NSUN7: variants seen among roughly 807,000 people sequenced by gnomAD.
NSUN7 encodes the protein NOP2/Sun RNA methyltransferase family member 7.
Under a neutral mutation model 58.5 loss-of-function variants are expected in NSUN7, and 39 were observed. The observed-to-expected ratio is 0.67, with a 90% confidence interval of 0.52 to 0.87. The LOEUF (loss-of-function observed/expected upper bound fraction) is 0.87, where lower values mean the gene tolerates loss of function less well. Ranked by LOEUF, NSUN7 falls within the 40% of genes least tolerant of loss-of-function variation. The pLI, the probability that NSUN7 is intolerant of heterozygous loss-of-function variation, is 0.00. For missense variants in NSUN7, 765 were observed against 844.1 expected, an observed-to-expected ratio of 0.91 and a Z score of 1.16; for synonymous variants, 278 against 303.7, an observed-to-expected ratio of 0.92 and a Z score of 0.88.
chr4:40,784,214 C>T (rs1742706565), intron 7 of NSUN7, among the ~76,000 whole-genome samples: 1 of 152,204 alleles, frequency 6.6e-6, no homozygotes, highest in Non-Finnish European at 1.5e-5. Context: ...AACAGTTTGG[C>T]AGTTTCCCAA....
chr4:40,805,883 C>T (rs543948613), intron 10 of NSUN7, among the ~76,000 whole-genome samples: 32 of 152,068 alleles, frequency 2.1e-4, no homozygotes, highest in Non-Finnish European at 3.8e-4. Flanking sequence ...GCTCTGTCAC[C>T]CAGGATGGAG....
intron 4 of NSUN7, 61 bp downstream of exon 4, chr4:40,761,362 A>G: frequency 1.5e-6 from 2 of 1,317,956 alleles, no homozygotes; most frequent in Non-Finnish European, 2.1e-6. Flanking sequence ...GTTATTGGTA[A>G]AATTACATAC....
intron 10 of NSUN7, among the ~76,000 whole-genome samples, 175 bp downstream of exon 10, chr4:40,799,079 T>TTTTTG (rs1560563842): frequency 4.4e-4 from 8 of 18,320 alleles, no homozygotes; most frequent in African/African-American, 2.6e-3. Context: ...TTTTCTTTTT[T>TTTTTG]TTTTTTTTTT....
intron 4 of NSUN7, among the ~76,000 whole-genome samples, chr4:40,771,885 T>C (rs1411041659): frequency 6.6e-6 from 1 of 151,754 alleles, no homozygotes; most frequent in African/African-American, 2.4e-5. Flanking sequence ...GGATCAAGAA[T>C]ATTGGGAAAG....
chr4:40,776,853 T>C (rs934113606), intron 7 of NSUN7, among the ~76,000 whole-genome samples: 4 of 152,224 alleles, frequency 2.6e-5, no homozygotes, highest in Non-Finnish European at 5.9e-5. Flanking sequence ...TGGGCTCAAG[T>C]GATCCACCTG....
intron 8 of NSUN7, among the ~76,000 whole-genome samples, chr4:40,793,077 C>T (rs939935951): frequency 1.3e-5 from 2 of 152,020 alleles, no homozygotes; most frequent in Admixed American, 6.6e-5. Flanking sequence ...ATAGATAATA[C>T]GACTTTGGAG....
chr4:40,808,325 G>A lies in NSUN7; in HGVS notation c.1543G>A (p.Val515Met). The change falls in exon 12 of 12, where the codon GTG becomes ATG. Residue 515 changes from valine (V) to methionine (M), a missense_variant. Physicochemically the swap from Val to Met is conservative, Grantham distance 21. Coordinates refer to ENST00000381782, the MANE Select transcript of NSUN7 (RefSeq NM_024677.6). ...LTRERDPSET[V>M]SVNDVLARAA... is the part of the protein sequence containing the mutation. ...ATTGCAGCGGGACCCTTCTGAGACA[G>A]TGTCTGTGAATGATGTTTTGGCCCG... 6.2e-7 allele frequency: 1 copy of A among 1,613,050 alleles called. No individual in the cohort carries two copies. The highest frequency in any genetic ancestry group is 8.5e-7 in the Non-Finnish European group (1 of 1,179,292).
At chr4:40,769,210 A>G (rs1741882754) in intron 4 of NSUN7, among the ~76,000 whole-genome samples, 1 of 152,156 alleles carries the variant, frequency 6.6e-6, no homozygotes, top group African/African-American at 2.4e-5. Context: ...GCTTCCTTAG[A>G]TACATTTCCC....
rs1364643778 is a variant in NSUN7, at chr4:40,810,216, A to C, written c.*1277A>C. 5.3e-5 allele frequency: 8 copies of C among 152,182 alleles called. No homozygotes were observed. Among genetic ancestry groups the C allele is most frequent in the African/African-American group, 1.9e-4 (8 of 41,438 alleles). The allele number at this position is 152,182 out of a possible 1,614,324, so 9.4% of individuals were successfully genotyped here. ...TTGAAGTGAGAAAAGAGAATGGTGAATTGTATTATAGCGGTAATACATTAT... is the reference window on the plus strand; with the variant it reads ...TTGAAGTGAGAAAAGAGAATGGTGACTTGTATTATAGCGGTAATACATTAT... On this transcript the variant is annotated 3_prime_UTR_variant, in exon 12 of 12. Coordinates refer to ENST00000381782, the MANE Select transcript of NSUN7 (RefSeq NM_024677.6).
rs530049500 is a variant in NSUN7, at chr4:40,808,615, C to G, written c.1833C>G (p.Pro611=). 3.5e-5 allele frequency: 55 copies of G among 1,551,748 alleles called. No homozygotes were observed. In the Admixed American group the frequency reaches 5.7e-4, roughly 16 times the overall value. The change falls in exon 12 of 12, where the codon CCC becomes CCG. Residue 611 remains proline, a synonymous_variant. Transcript: ENST00000381782. ...CCAGAAAACCCAACAAGCTGGCCCC[C>G]CATCCTGCAGTGCCTGCATTTGTGA... ...SQTRKPNKLA[P]HPAVPAFVKN... is the part of the protein sequence containing the mutation.
At chr4:40,791,954 C>A (rs1396922696) in intron 8 of NSUN7, among the ~76,000 whole-genome samples, 2 of 152,082 alleles carry the variant, frequency 1.3e-5, no homozygotes, top group Admixed American at 6.5e-5. Flanking sequence ...AGCTGGGATT[C>A]AAATTCAGGT....
intron 5 of NSUN7, 151 bp downstream of exon 5, chr4:40,774,568 T>C: frequency 1.3e-6 from 1 of 785,256 alleles, no homozygotes; most frequent in South Asian, 1.9e-5. Flanking sequence ...ATGACCAAAT[T>C]ACCAAAGGTA....
In NSUN7 at chr4:40,793,199, T is replaced by C. The variant is rs141529667; in HGVS notation, c.1181-1176T>C. On this transcript the variant is annotated intron_variant, in intron 8 of 11. Transcript: ENST00000381782. The stretch of plus-strand genomic sequence containing the variant: ...GCTCACACCTGTAATCCCACCACTT[T>C]GGGAGGCTGAGGTGGGTAGATCGGT... 8.1e-4 allele frequency among the ~76,000 whole-genome samples: 123 copies of C among 152,280 alleles called. 2 individuals carry two copies. In the East Asian group the frequency reaches 0.023, roughly 28 times the overall value.
chr4:40,792,576 C>A (rs982557192), intron 8 of NSUN7, among the ~76,000 whole-genome samples: 5 of 152,048 alleles, frequency 3.3e-5, no homozygotes, highest in East Asian at 1.9e-4. Context: ...ACGGTGAAAC[C>A]CCGTCTCTAC....
At position 40,809,623 on chromosome 4, in the gene NSUN7, G is replaced by A. The variant is rs1744073183; in HGVS notation, c.*684G>A. On this transcript the variant is annotated 3_prime_UTR_variant, in exon 12 of 12. Coordinates refer to ENST00000381782, the MANE Select transcript of NSUN7 (RefSeq NM_024677.6). ...TCTCCCTTCCTCTATGTCAAGCACT[G>A]TTACAAAAGACTGTGAGCAAATTTC... The A allele has an allele frequency of 6.6e-6, 1 of 152,116 alleles. No homozygotes were observed. Among genetic ancestry groups the A allele is most frequent in the Non-Finnish European group, 1.5e-5 (1 of 68,028 alleles). 9.4% of individuals were successfully genotyped at this position (152,116 alleles called of 1,614,324 possible).
At chr4:40,779,575 G>C (rs1742427805) in intron 7 of NSUN7, among the ~76,000 whole-genome samples, 1 of 152,154 alleles carries the variant, frequency 6.6e-6, no homozygotes, top group Non-Finnish European at 1.5e-5. Flanking sequence ...CTGCACTCCA[G>C]CCTGGGCCAC....
chr4:40,776,430 G>C (rs560009651), intron 7 of NSUN7, 171 bp downstream of exon 7: 18 of 475,240 alleles, frequency 3.8e-5, no homozygotes, highest in African/African-American at 3.3e-4. Flanking sequence ...TGCTTAATTT[G>C]GTTAAACAAC....
chr4:40,788,772 G>T (rs1196945259), intron 7 of NSUN7, among the ~76,000 whole-genome samples: 1 of 152,210 alleles, frequency 6.6e-6, no homozygotes, highest in Non-Finnish European at 1.5e-5. Flanking sequence ...CCTGGTGTGT[G>T]TTGTGTGTAG....
intron 9 of NSUN7, among the ~76,000 whole-genome samples, chr4:40,797,543 A>G (rs1743374262): frequency 6.6e-6 from 1 of 152,136 alleles, no homozygotes; most frequent in African/African-American, 2.4e-5. Context: ...AGCATTATCC[A>G]TGATTTCTCT....
Sources: allele counts gnomAD v4.1 joint callset (sites outside exome capture counted in the v4.1 genomes callset), GRCh38; gene constraint gnomAD v4.1.1; transcripts MANE v1.5; gene names NCBI Gene and HGNC (gene_info 2026-07-23, HGNC 2026-07-21).